The following LAMA2 variants were observed in gnomAD, a reference collection of about 807,000 sequenced individuals.
LAMA2 encodes the protein laminin subunit alpha-2.
In LAMA2, 269 loss-of-function variants were observed where a neutral mutation model predicts 364.8. The ratio of observed to expected loss-of-function variants is 0.74; its 90% CI spans 0.67 to 0.82. LAMA2 has a LOEUF of 0.82. Ranked by LOEUF, LAMA2 falls within the 40% of genes least tolerant of loss-of-function variation. The pLI, the probability that LAMA2 is intolerant of heterozygous loss-of-function variation, is 0.00. For missense variants in LAMA2, 3,807 were observed against 3,873.2 expected (o/e 0.98, Z 0.45); for synonymous variants, 1,379 against 1,370.6 (o/e 1.01, Z -0.14).
intron 16 of LAMA2, among the ~76,000 whole-genome samples, chr6:129,268,674 A>T (rs1787700895): frequency 6.6e-6 from 1 of 152,040 alleles, no homozygotes; most frequent in African/African-American, 2.4e-5. Flanking sequence ...AGACCCTACT[A>T]ATGATGCCTA....
chr6:129,012,543 TTGAC>T (rs1289739555), intron 1 of LAMA2, among the ~76,000 whole-genome samples: 1 of 152,224 alleles, frequency 6.6e-6, no homozygotes. Context: ...TTCCTTTTTC[TTGAC>T]TATTTACAGG....
At chr6:128,972,598 T>C (rs7454382) in intron 1 of LAMA2, among the ~76,000 whole-genome samples, 20,059 of 152,120 alleles carry the variant, frequency 0.13, 1,729 homozygotes, top group African/African-American at 0.24. Context: ...GGGGTATTGA[T>C]GGGACTAGAG....
In LAMA2 at chr6:129,492,013, C is replaced by A. The variant is rs780695627; in HGVS notation, c.8011C>A (p.Pro2671Thr). ...FVGGAPPEFQ[P>T]SPLRNIPPFE... ...TGGGGGTGCTCCACCTGAATTTCAA[C>A]CTTCCCCACTCAGAAATATTCCTCC... Residue 2671 changes from proline to threonine, a missense_variant, in exon 57 of 65, where the codon CCT (proline) becomes ACT (threonine). By Grantham distance (38) the Pro-to-Thr change is conservative. Coordinates refer to ENST00000421865, the MANE Select transcript of LAMA2 (RefSeq NM_000426.4). The A allele has an allele frequency of 5.0e-5, 80 of 1,614,124 alleles. No homozygotes were observed. In the East Asian group the frequency reaches 9.4e-4, roughly 19 times the overall value.
At chr6:129,159,442 G>GTGAT (rs1779328242) in intron 8 of LAMA2, among the ~76,000 whole-genome samples, 1 of 152,234 alleles carries the variant, frequency 6.6e-6, no homozygotes, top group African/African-American at 2.4e-5. Context: ...CGCAGGCAGG[G>GTGAT]TGATGGAGGC....
Position 129,514,354 on chromosome 6 carries a change from T to G in LAMA2, c.8989-19T>G. On this transcript the variant is annotated intron_variant, in intron 63 of 64. Coordinates refer to ENST00000421865, the MANE Select transcript of LAMA2 (RefSeq NM_000426.4). ...CTTTAATGAAACCATCTGTGACTGT[T>G]CTATTTCCTACTTTCCAGTTGATGT... is the stretch of plus-strand genomic sequence containing the variant. 1 of 1,558,234 alleles carries G rather than the reference T, an allele frequency of 6.4e-7. No homozygotes were observed. Among genetic ancestry groups the G allele is most frequent in the Non-Finnish European group, 8.9e-7 (1 of 1,129,244 alleles).
At chr6:129,221,415 A>T (rs1252659139) in intron 12 of LAMA2, among the ~76,000 whole-genome samples, 3 of 149,280 alleles carry the variant, frequency 2.0e-5, no homozygotes, top group Non-Finnish European at 4.4e-5. Flanking sequence ...AAAAAAAAAA[A>T]TCAACAATAA....
intron 17 of LAMA2, among the ~76,000 whole-genome samples, chr6:129,276,953 CAT>C (rs1245641841): frequency 6.6e-6 from 1 of 151,968 alleles, no homozygotes; most frequent in African/African-American, 2.4e-5. Context: ...TGTATGTACA[CAT>C]ATATATGCAT....
At chr6:129,472,031 G>A (rs571361370) in intron 51 of LAMA2, among the ~76,000 whole-genome samples, 37 of 151,942 alleles carry the variant, frequency 2.4e-4, no homozygotes, top group South Asian at 8.3e-4. Context: ...ATAGTATTTC[G>A]TGGTCAAATA....
intron 12 of LAMA2, among the ~76,000 whole-genome samples, chr6:129,248,526 T>G (rs1008873416): frequency 3.9e-5 from 6 of 152,226 alleles, no homozygotes; most frequent in Admixed American, 6.5e-5. Flanking sequence ...GTTGATATTT[T>G]TCTTTCCTTT....
chr6:129,472,092 G>A (rs1429245838), intron 51 of LAMA2, among the ~76,000 whole-genome samples: 2 of 151,900 alleles, frequency 1.3e-5, no homozygotes, highest in African/African-American at 2.4e-5. Flanking sequence ...ACATTGCATT[G>A]CATATTAGCA....
intron 1 of LAMA2, among the ~76,000 whole-genome samples, chr6:128,937,867 A>G (rs1259685553): frequency 1.3e-5 from 2 of 151,360 alleles, no homozygotes; most frequent in Non-Finnish European, 2.9e-5. Context: ...CTTGAGGTAT[A>G]AAGTTAAGTT....
chr6:129,280,814 T>C (rs1466587195), intron 18 of LAMA2, among the ~76,000 whole-genome samples: 1 of 152,188 alleles, frequency 6.6e-6, no homozygotes, highest in Non-Finnish European at 1.5e-5. Flanking sequence ...CTTGACATCA[T>C]TGCCAAAAAC....
chr6:129,472,971 CTTCATTGG>C (rs1484069825), intron 51 of LAMA2, among the ~76,000 whole-genome samples: 4 of 151,852 alleles, frequency 2.6e-5, no homozygotes, highest in African/African-American at 9.7e-5. Context: ...TCTCTTTTAT[CTTCATTGG>C]TTTGCCTTCA....
At chr6:129,007,076 A>G (rs531991840) in intron 1 of LAMA2, among the ~76,000 whole-genome samples, 1 of 152,244 alleles carries the variant, frequency 6.6e-6, no homozygotes, top group African/African-American at 2.4e-5. Flanking sequence ...CTGAAAGTTT[A>G]AGTGCCTGTT....
chr6:129,500,062 C>T (rs377354657), intron 58 of LAMA2, among the ~76,000 whole-genome samples: 4 of 151,990 alleles, frequency 2.6e-5, no homozygotes, highest in South Asian at 4.2e-4. Flanking sequence ...TCCCTTACAC[C>T]CATCAGACTT....
At chr6:129,350,525 G>T (rs1027661457) in intron 31 of LAMA2, among the ~76,000 whole-genome samples, 1 of 152,194 alleles carries the variant, frequency 6.6e-6, no homozygotes, top group African/African-American at 2.4e-5. Flanking sequence ...TGGCCCCTAA[G>T]TGGAACAAGT....
At chr6:129,481,892 C>T (rs983779993) in intron 55 of LAMA2, among the ~76,000 whole-genome samples, 1 of 152,140 alleles carries the variant, frequency 6.6e-6, no homozygotes, top group Non-Finnish European at 1.5e-5. Flanking sequence ...CCTGACTCAT[C>T]CCATCCTCTC....
chr6:129,492,999 C>CA (rs897330015), intron 58 of LAMA2, among the ~76,000 whole-genome samples: 4 of 151,954 alleles, frequency 2.6e-5, no homozygotes, highest in South Asian at 4.2e-4. Context: ...TTCTAAAATA[C>CA]AAAAAAATAG....
chr6:128,995,489 C>T (rs113280327), intron 1 of LAMA2, among the ~76,000 whole-genome samples: 7,215 of 152,038 alleles, frequency 0.047, 556 homozygotes, highest in African/African-American at 0.16. Context: ...GCCTGGATAA[C>T]TTTTTTGTAT....
Sources: gnomAD v4.1 joint callset for allele counts (sites outside exome capture counted in the v4.1 genomes callset) on GRCh38, gnomAD v4.1.1 for gene constraint, MANE v1.5 for transcripts, NCBI Gene and HGNC (gene_info 2026-07-23, HGNC 2026-07-21) for gene names.